The following CFAP299 variants were observed in gnomAD, a reference collection of about 807,000 sequenced individuals.
CFAP299 encodes the protein cilia- and flagella-associated protein 299.
A neutral mutation model predicts 27.0 loss-of-function variants in CFAP299; 21 were observed. That is an observed-to-expected ratio of 0.78 (90% CI 0.55 to 1.12). The LOEUF (loss-of-function observed/expected upper bound fraction) is 1.12, where lower values mean the gene tolerates loss of function less well. Among genes scored for constraint, CFAP299 ranks in the 50% most tolerant of loss-of-function variants. The pLI is 0.00. For synonymous variants in CFAP299, 104 were observed against 98.1 expected, an observed-to-expected ratio of 1.06 and a Z score of -0.36; for missense variants, 310 against 276.6, an observed-to-expected ratio of 1.12 and a Z score of -0.86.
the CFAP299 span, among the ~76,000 whole-genome samples, chr4:80,327,732 CAT>C: frequency 1.3e-4 from 13 of 103,122 alleles, 1 homozygote; most frequent in African/African-American, 3.0e-4. Context: ...AACTTCAATA[CAT>C]ATATATATAT....
intron 3 of CFAP299, among the ~76,000 whole-genome samples, chr4:80,767,616 TTAAAAAAA>T (rs1346543605): frequency 2.6e-5 from 4 of 151,820 alleles, no homozygotes; most frequent in African/African-American, 4.8e-5. Flanking sequence ...CTCAAAAAAA[TTAAAAAAA>T]TAAAAAAATA....
chr4:80,520,801 C>G (rs1732869133), intron 2 of CFAP299, among the ~76,000 whole-genome samples: 1 of 152,100 alleles, frequency 6.6e-6, no homozygotes, highest in Non-Finnish European at 1.5e-5. Flanking sequence ...TTTCTGGTGG[C>G]CTTTTAAAAT....
chr4:80,424,493 G>A (rs1031455402), intron 2 of CFAP299, among the ~76,000 whole-genome samples: 9 of 152,184 alleles, frequency 5.9e-5, no homozygotes, highest in African/African-American at 2.2e-4. Flanking sequence ...CTGAGGATGA[G>A]GCAGCTTCTC....
At chr4:80,577,090 A>C (rs1735907154) in intron 2 of CFAP299, among the ~76,000 whole-genome samples, 1 of 152,184 alleles carries the variant, frequency 6.6e-6, no homozygotes, top group South Asian at 2.1e-4. Flanking sequence ...TTGTTTTCAC[A>C]ATGTAAAAAT....
intron 3 of CFAP299, among the ~76,000 whole-genome samples, chr4:80,779,746 C>A (rs1032694802): frequency 2.6e-5 from 4 of 151,956 alleles, no homozygotes; most frequent in African/African-American, 7.2e-5. Flanking sequence ...CACTTTACCA[C>A]CCCCCTAATT....
chr4:80,828,476 A>T (rs1194773588), intron 3 of CFAP299, among the ~76,000 whole-genome samples: 1 of 152,130 alleles, frequency 6.6e-6, no homozygotes, highest in African/African-American at 2.4e-5. Flanking sequence ...ATTGAATTGT[A>T]ATCCCCAATG....
chr4:80,730,004 GTC>G (rs985329519), intron 3 of CFAP299, among the ~76,000 whole-genome samples: 6 of 152,098 alleles, frequency 3.9e-5, no homozygotes, highest in African/African-American at 1.4e-4. Context: ...ATTTAGAGGT[GTC>G]TCTCTAAGCA....
chr4:80,751,008 T>C (rs1358265194), intron 3 of CFAP299, among the ~76,000 whole-genome samples: 1 of 152,220 alleles, frequency 6.6e-6, no homozygotes, highest in Non-Finnish European at 1.5e-5. Flanking sequence ...TTCTGAAACC[T>C]ACTTTTCTCA....
At chr4:80,350,505 T>C (rs1722962936) in intron 1 of CFAP299, among the ~76,000 whole-genome samples, 1 of 152,180 alleles carries the variant, frequency 6.6e-6, no homozygotes, top group South Asian at 2.1e-4. Flanking sequence ...TGCAGTACTA[T>C]TTACAATAGC....
chr4:80,757,375 A>G (rs2110075334), intron 3 of CFAP299, among the ~76,000 whole-genome samples: 1 of 152,294 alleles, frequency 6.6e-6, no homozygotes, highest in East Asian at 1.9e-4. Context: ...TGTTTTTCTC[A>G]TGATTATGAG....
intron 3 of CFAP299, among the ~76,000 whole-genome samples, chr4:80,694,068 T>A (rs1578029281): frequency 6.6e-6 from 1 of 152,318 alleles, no homozygotes; most frequent in East Asian, 1.9e-4. Flanking sequence ...GCCACTACCC[T>A]AAAACCTTTG....
At chr4:80,350,188 T>C (rs1722951249) in intron 1 of CFAP299, among the ~76,000 whole-genome samples, 1 of 152,012 alleles carries the variant, frequency 6.6e-6, no homozygotes, top group Non-Finnish European at 1.5e-5. Context: ...AGGAATAAAA[T>C]ATATTTTAAA....
intron 2 of CFAP299, among the ~76,000 whole-genome samples, chr4:80,417,336 A>G (rs1280629475): frequency 1.3e-5 from 2 of 152,002 alleles, no homozygotes. Context: ...TATGACCTGT[A>G]TCTTTTGCTA....
intron 2 of CFAP299, among the ~76,000 whole-genome samples, chr4:80,452,165 G>A (rs1375439854): frequency 2.6e-5 from 4 of 152,042 alleles, no homozygotes; most frequent in Admixed American, 2.6e-4. Context: ...AGTGCTGCCA[G>A]GTCATATTTG....
intron 3 of CFAP299, among the ~76,000 whole-genome samples, chr4:80,647,744 A>G (rs1740098123): frequency 6.6e-6 from 1 of 152,198 alleles, no homozygotes; most frequent in South Asian, 2.1e-4. Flanking sequence ...AATTGAATCA[A>G]ATGTTATAAA....
chr4:80,844,202 C>T (rs1268009811), intron 3 of CFAP299, among the ~76,000 whole-genome samples: 1 of 152,032 alleles, frequency 6.6e-6, no homozygotes, highest in East Asian at 1.9e-4. Flanking sequence ...TGAATAGTGC[C>T]ACAATAAACA....
chr4:80,800,459 ATATATAATATATAATATAT>A (rs1728421566), intron 3 of CFAP299, among the ~76,000 whole-genome samples: 1 of 9,364 alleles, frequency 1.1e-4, no homozygotes, highest in Non-Finnish European at 2.4e-4. Flanking sequence ...TATTAATATA[ATATATAATATATAATATAT>A]TATATAATAT....
chr4:80,452,865 C>T (rs1728968040), intron 2 of CFAP299, among the ~76,000 whole-genome samples: 1 of 152,154 alleles, frequency 6.6e-6, no homozygotes, highest in Non-Finnish European at 1.5e-5. Context: ...ACAATTCACA[C>T]TACTCTGATG....
intron 4 of CFAP299, among the ~76,000 whole-genome samples, chr4:80,943,693 CAT>C (rs1737314885): frequency 6.6e-6 from 1 of 151,968 alleles, no homozygotes; most frequent in South Asian, 2.1e-4. Flanking sequence ...TCTTTCAATT[CAT>C]ATGACAGTAT....
Sources: gnomAD v4.1 joint callset for allele counts (sites outside exome capture counted in the v4.1 genomes callset) on GRCh38, gnomAD v4.1.1 for gene constraint, MANE v1.5 for transcripts, NCBI Gene and HGNC (gene_info 2026-07-23, HGNC 2026-07-21) for gene names.